KDM3A: variants seen among roughly 807,000 people sequenced by gnomAD.
The protein encoded by KDM3A is lysine demethylase 3A, also known as lysine-specific demethylase 3A.
In KDM3A, 60 loss-of-function variants were observed where a neutral mutation model predicts 158.0. That is an observed-to-expected ratio of 0.38 (90% CI 0.31 to 0.47). KDM3A has a LOEUF of 0.47. Ranked by LOEUF, KDM3A falls within the 20% of genes least tolerant of loss-of-function variation. KDM3A has a pLI of 0.99. For synonymous variants in KDM3A, 608 were observed against 549.3 expected, an observed-to-expected ratio of 1.11 and a Z score of -1.49; for missense variants, 1,319 against 1,574.3, an observed-to-expected ratio of 0.84 and a Z score of 2.74.
upstream of KDM3A, among the ~76,000 whole-genome samples, chr2:86,437,570 C>T (rs990540736): frequency 6.6e-6 from 1 of 152,008 alleles, no homozygotes; most frequent in Admixed American, 6.6e-5. Flanking sequence ...TTTCTTTGTT[C>T]TCTTCATTAC....
chr2:86,475,745 G>A (rs1177222448), intron 12 of KDM3A, among the ~76,000 whole-genome samples: 1 of 152,144 alleles, frequency 6.6e-6, no homozygotes, highest in East Asian at 1.9e-4. Flanking sequence ...TTTACCAGTG[G>A]TTGAAGTTAA....
chr2:86,475,774 C>T (rs1673632702), intron 12 of KDM3A, among the ~76,000 whole-genome samples: 1 of 152,174 alleles, frequency 6.6e-6, no homozygotes, highest in Admixed American at 6.5e-5. Context: ...CCTTTCTATT[C>T]CTCTGGTGTG....
intron 2 of KDM3A, chr2:86,443,336 T>G (rs906206774): frequency 2.0e-5 from 3 of 152,246 alleles, no homozygotes; most frequent in Non-Finnish European, 4.4e-5. Context: ...TTGAACACTT[T>G]CAGGGTGACA....
intron 8 of KDM3A, among the ~76,000 whole-genome samples, chr2:86,459,771 T>A (rs1672853397): frequency 6.6e-6 from 1 of 152,204 alleles, no homozygotes. Context: ...AAGCATTACT[T>A]TTTTATCTTT....
upstream of KDM3A, among the ~76,000 whole-genome samples, chr2:86,439,264 T>G (rs1212840975): frequency 6.6e-6 from 1 of 152,010 alleles, no homozygotes; most frequent in Non-Finnish European, 1.5e-5. Context: ...CATGGTGAAT[T>G]TTAGTAATTT....
At chr2:86,444,335 G>A (rs1558601256) in intron 2 of KDM3A, among the ~76,000 whole-genome samples, 1 of 152,158 alleles carries the variant, frequency 6.6e-6, no homozygotes, top group Non-Finnish European at 1.5e-5. Flanking sequence ...GGCTAGGTTG[G>A]ATTTTTGCCT....
chr2:86,455,402 A>C (rs75339114), intron 5 of KDM3A, among the ~76,000 whole-genome samples: 2,185 of 150,988 alleles, frequency 0.014, 67 homozygotes, highest in African/African-American at 0.051. Flanking sequence ...ACAGGCACGC[A>C]CCACCACACC....
chr2:86,455,342 T>C (rs1228654256), intron 5 of KDM3A, among the ~76,000 whole-genome samples, 155 bp downstream of exon 5: 2 of 151,170 alleles, frequency 1.3e-5, no homozygotes, highest in Non-Finnish European at 3.0e-5. Flanking sequence ...GGAGTGCCAG[T>C]GGTGCTGTCT....
intron 1 of KDM3A, 45 bp from the exon 2 acceptor site, chr2:86,441,973 T>TC: frequency 1.1e-5 from 11 of 958,028 alleles, no homozygotes; most frequent in Non-Finnish European, 1.7e-5. Context: ...CCCGGCCCCC[T>TC]CCCACCGGCC....
intron 21 of KDM3A, 122 bp from the exon 22 acceptor site, chr2:86,489,196 C>A: frequency 8.8e-7 from 1 of 1,140,682 alleles, no homozygotes; most frequent in Non-Finnish European, 1.2e-6. Context: ...ATAATTTGAT[C>A]CAGAATTTTT....
At chr2:86,454,965 C>A in intron 4 of KDM3A, 120 bp from the exon 5 acceptor site, 1 of 579,424 alleles carries the variant, frequency 1.7e-6, no homozygotes, top group Non-Finnish European at 3.0e-6. Context: ...TGGGCTATCA[C>A]ATGGTTTGTT....
chr2:86,480,385 T>G, intron 16 of KDM3A, 23 bp downstream of exon 16: 1 of 1,594,234 alleles, frequency 6.3e-7, no homozygotes, highest in Non-Finnish European at 8.6e-7. Context: ...TGCTTTTGTG[T>G]TTGTTCTTGA....
intron 18 of KDM3A, 199 bp downstream of exon 18, chr2:86,482,893 T>C: frequency 5.3e-6 from 3 of 568,894 alleles, no homozygotes; most frequent in South Asian, 4.5e-5. Flanking sequence ...AGCTGGACTT[T>C]TCCAGTCAGG....
intron 8 of KDM3A, among the ~76,000 whole-genome samples, chr2:86,458,103 G>A (rs979628298): frequency 6.6e-6 from 1 of 152,168 alleles, no homozygotes; most frequent in Admixed American, 6.5e-5. Context: ...CCAAGGCCAG[G>A]AGAAATGGCA....
At chr2:86,482,733 C>A (rs1330853260) in intron 18 of KDM3A, 39 bp downstream of exon 18, 1 of 1,598,600 alleles carries the variant, frequency 6.3e-7, no homozygotes, top group Admixed American at 1.7e-5. Flanking sequence ...TATTCAGAAC[C>A]CCCTTCTCAG....
intron 8 of KDM3A, among the ~76,000 whole-genome samples, chr2:86,458,029 A>G (rs1013551422): frequency 9.9e-5 from 15 of 152,212 alleles, no homozygotes; most frequent in Non-Finnish European, 1.8e-4. Context: ...TTCCTGTGTT[A>G]TAATTATCAA....
At chr2:86,457,112 C>A in intron 8 of KDM3A, 41 bp downstream of exon 8, 1 of 836,804 alleles carries the variant, frequency 1.2e-6, no homozygotes, top group Non-Finnish European at 1.7e-6. Context: ...CTTTCCTTAA[C>A]TCCAACATTG....
intron 8 of KDM3A, among the ~76,000 whole-genome samples, chr2:86,459,653 G>A (rs1279810110): frequency 1.3e-5 from 2 of 152,124 alleles, no homozygotes; most frequent in Non-Finnish European, 2.9e-5. Context: ...TGAGAAAGGT[G>A]TTTGAGCAAG....
intron 9 of KDM3A, among the ~76,000 whole-genome samples, 188 bp downstream of exon 9, chr2:86,464,404 G>A (rs2104660014): frequency 6.6e-6 from 1 of 152,306 alleles, no homozygotes; most frequent in East Asian, 1.9e-4. Context: ...TGGTATAGAA[G>A]TGAAAGGGGG....
Sources: allele counts gnomAD v4.1 joint callset (sites outside exome capture counted in the v4.1 genomes callset), GRCh38; gene constraint gnomAD v4.1.1; transcripts MANE v1.5; gene names NCBI Gene and HGNC (gene_info 2026-07-23, HGNC 2026-07-21).